Variants in NDNF observed in about 807,000 individuals in gnomAD.
The protein encoded by NDNF is protein NDNF.
NDNF carries 16 observed loss-of-function variants against 42.0 expected under a neutral mutation model. The ratio of observed to expected loss-of-function variants is 0.38; its 90% CI spans 0.26 to 0.58. NDNF has a LOEUF of 0.58. NDNF is among the 20% of genes least tolerant of loss of function. The pLI is 0.67. For missense variants in NDNF, 616 were observed against 666.2 expected, an observed-to-expected ratio of 0.92 and a Z score of 0.83; for synonymous variants, 248 against 251.7, an observed-to-expected ratio of 0.99 and a Z score of 0.14.
Position 121,036,107 on chromosome 4 carries a change from C to T in NDNF, c.*157G>A. 1 of 665,954 alleles carries T rather than the reference C, an allele frequency of 1.5e-6. No individual in the cohort carries two copies. Among genetic ancestry groups the T allele is most frequent in the Non-Finnish European group, 2.5e-6 (1 of 392,204 alleles). The allele number at this position is 665,954 out of a possible 1,614,324, so 41.3% of individuals were successfully genotyped here. A position where few individuals can be genotyped will look rare whatever the true frequency, so the allele number is the denominator to read the frequency against. On this transcript the variant is annotated 3_prime_UTR_variant, in exon 4 of 4. Coordinates refer to ENST00000379692, the MANE Select transcript of NDNF (RefSeq NM_024574.4). ...TAGAACAAGTCTCCTTCAAGAGTTA[C>T]TTATATAAACATCAATATACACACG...
At chr4:121,043,993 C>G (rs1445574628) in intron 2 of NDNF, among the ~76,000 whole-genome samples, 1 of 152,202 alleles carries the variant, frequency 6.6e-6, no homozygotes, top group African/African-American at 2.4e-5. Context: ...ATGTAATCAT[C>G]CTTTCCTTTT....
chr4:121,043,182 C>A (rs915871276), intron 2 of NDNF, among the ~76,000 whole-genome samples: 2 of 152,254 alleles, frequency 1.3e-5, no homozygotes, highest in Middle Eastern at 6.8e-3. Context: ...TAATTAATAA[C>A]TAAGGAAACA....
chr4:121,056,939 G>A (rs113427192), intron 1 of NDNF, among the ~76,000 whole-genome samples: 1 of 152,214 alleles, frequency 6.6e-6, no homozygotes, highest in Middle Eastern at 3.2e-3. Context: ...CAACAGAAAA[G>A]AGCAAGTGTG....
At chr4:121,051,045 T>C (rs1447141379) in intron 1 of NDNF, among the ~76,000 whole-genome samples, 1 of 152,166 alleles carries the variant, frequency 6.6e-6, no homozygotes, top group Non-Finnish European at 1.5e-5. Flanking sequence ...GGAAACATTA[T>C]GAGTTCAATC....
chr4:121,044,624 G>A (rs1220437341), intron 2 of NDNF, among the ~76,000 whole-genome samples: 1 of 151,948 alleles, frequency 6.6e-6, no homozygotes. Context: ...TGTTTAGTTT[G>A]ATTCTCTCAG....
rs759871409 is a variant in NDNF, at chr4:121,057,646, G to C, written c.-1-11808C>G. Among the ~76,000 whole-genome samples the C allele has an allele frequency of 3.3e-5, 5 of 152,204 alleles. 1 individual carries two copies. The South Asian group carries it at 1.0e-3, about 32-fold the overall frequency. On this transcript the variant is annotated intron_variant, in intron 1 of 3. Transcript: ENST00000379692. ...GTCCCCATTGTCAGCATGGTTTTAGGGAAAGGAGCTTGGAGCTCAGCAACA... is the reference window on the plus strand; with the variant it reads ...GTCCCCATTGTCAGCATGGTTTTAGCGAAAGGAGCTTGGAGCTCAGCAACA...
intron 2 of NDNF, among the ~76,000 whole-genome samples, chr4:121,040,610 A>G (rs549196121): frequency 6.6e-6 from 1 of 152,180 alleles, no homozygotes; most frequent in Admixed American, 6.5e-5. Context: ...TTTTTACATT[A>G]GTGACTTTTA....
At chr4:121,039,289 C>A (rs1726954606) in intron 3 of NDNF, among the ~76,000 whole-genome samples, 4 of 146,256 alleles carry the variant, frequency 2.7e-5, no homozygotes, top group Admixed American at 1.4e-4. Context: ...GTCAAGCCTT[C>A]ACCTTTAACC....
intron 1 of NDNF, among the ~76,000 whole-genome samples, chr4:121,056,855 GT>G (rs1332520439): frequency 1.3e-5 from 2 of 152,230 alleles, no homozygotes; most frequent in African/African-American, 4.8e-5. Flanking sequence ...CCTCCCTAAA[GT>G]TTCCATCAAA....
At chr4:121,056,945 G>A (rs1268014320) in intron 1 of NDNF, among the ~76,000 whole-genome samples, 1 of 152,214 alleles carries the variant, frequency 6.6e-6, no homozygotes, top group Non-Finnish European at 1.5e-5. Context: ...AAAAGAGCAA[G>A]TGTGGTGGGA....
At chr4:121,066,984 A>G (rs1727509938) in intron 1 of NDNF, among the ~76,000 whole-genome samples, 1 of 152,226 alleles carries the variant, frequency 6.6e-6, no homozygotes, top group South Asian at 2.1e-4. Context: ...ACTATTTGTG[A>G]TATTAGCTGA....
chr4:121,056,102 T>C (rs1215245901), intron 1 of NDNF, among the ~76,000 whole-genome samples: 1 of 152,216 alleles, frequency 6.6e-6, no homozygotes, highest in Non-Finnish European at 1.5e-5. Context: ...ATAAAACCTG[T>C]GAGCCTTCCT....
At chr4:121,049,517 A>G (rs1331457243) in intron 1 of NDNF, among the ~76,000 whole-genome samples, 1 of 152,190 alleles carries the variant, frequency 6.6e-6, no homozygotes, top group Non-Finnish European at 1.5e-5. Context: ...ACTCTGAGTA[A>G]TAAAGTCCTT....
chr4:121,051,429 C>T (rs1243230690), intron 1 of NDNF, among the ~76,000 whole-genome samples: 1 of 152,060 alleles, frequency 6.6e-6, no homozygotes, highest in African/African-American at 2.4e-5. Context: ...GTCCAACTGA[C>T]CTGGCATATC....
chr4:121,057,502 C>A (rs939851611), intron 1 of NDNF, among the ~76,000 whole-genome samples: 3 of 152,148 alleles, frequency 2.0e-5, no homozygotes, highest in Admixed American at 2.0e-4. Context: ...CTCACCAAGA[C>A]CCGGCAGTCA....
intron 1 of NDNF, among the ~76,000 whole-genome samples, chr4:121,065,638 G>A (rs781192618): frequency 5.3e-5 from 8 of 151,310 alleles, no homozygotes; most frequent in Non-Finnish European, 1.0e-4. Flanking sequence ...TCATTGTGGG[G>A]CACAAATTGC....
chr4:121,063,765 T>C (rs1337504073), intron 1 of NDNF, among the ~76,000 whole-genome samples: 1 of 152,206 alleles, frequency 6.6e-6, no homozygotes, highest in African/African-American at 2.4e-5. Context: ...CACTTCACTT[T>C]CAGTGATTTC....
At chr4:121,058,407 G>C (rs931992218) in intron 1 of NDNF, among the ~76,000 whole-genome samples, 3 of 152,104 alleles carry the variant, frequency 2.0e-5, no homozygotes, top group Non-Finnish European at 2.9e-5. Flanking sequence ...CCAGACTTGA[G>C]AGTCAGGCTT....
chr4:121,049,149 C>A (rs1727146828), intron 1 of NDNF, among the ~76,000 whole-genome samples: 1 of 152,134 alleles, frequency 6.6e-6, no homozygotes, highest in African/African-American at 2.4e-5. Context: ...TATTAGTAAA[C>A]AAATTCAAGT....
Sources: gnomAD v4.1 joint callset for allele counts (sites outside exome capture counted in the v4.1 genomes callset) on GRCh38, gnomAD v4.1.1 for gene constraint, MANE v1.5 for transcripts, NCBI Gene and HGNC (gene_info 2026-07-23, HGNC 2026-07-21) for gene names.